Variants in CADM2 observed in about 807,000 individuals in gnomAD.
The protein encoded by CADM2 is cell adhesion molecule 2, also known as immunoglobulin superfamily member 4D.
CADM2 carries 12 observed loss-of-function variants against 49.8 expected under a neutral mutation model. The ratio of observed to expected loss-of-function variants is 0.24; its 90% CI spans 0.15 to 0.39. The LOEUF (loss-of-function observed/expected upper bound fraction) is 0.39. Among genes scored for constraint, CADM2 ranks in the 10% least tolerant of loss-of-function variants. The pLI is 1.00. For missense variants in CADM2, 378 were observed against 492.3 expected (o/e 0.77, Z 2.20); for synonymous variants, 214 against 175.4 (o/e 1.22, Z -1.74).
chr3:85,344,652 G>C (rs1339470059), intron 1 of CADM2, among the ~76,000 whole-genome samples: 1 of 150,334 alleles, frequency 6.7e-6, no homozygotes, highest in Non-Finnish European at 1.5e-5. Flanking sequence ...TTTTTTTTTT[G>C]GTAAAATGTC....
intron 3 of CADM2, among the ~76,000 whole-genome samples, chr3:85,833,530 A>AT (rs2074274560): frequency 1.3e-5 from 2 of 151,436 alleles, no homozygotes; most frequent in Admixed American, 6.6e-5. Flanking sequence ...TTTGTTCAGG[A>AT]TTTTTTTATT....
At chr3:85,665,350 AAC>A (rs1009386652) in intron 1 of CADM2, among the ~76,000 whole-genome samples, 12 of 151,892 alleles carry the variant, frequency 7.9e-5, no homozygotes, top group Admixed American at 4.6e-4. Flanking sequence ...TAATTCTGAA[AAC>A]ATTTTAAAGG....
intron 1 of CADM2, among the ~76,000 whole-genome samples, chr3:85,267,157 A>T (rs926328732): frequency 4.6e-5 from 7 of 151,502 alleles, no homozygotes; most frequent in Non-Finnish European, 8.9e-5. Context: ...TGAAGCAAAA[A>T]CTCATTTCTC....
chr3:85,882,927 A>G (rs1713028358), intron 3 of CADM2, among the ~76,000 whole-genome samples: 1 of 152,156 alleles, frequency 6.6e-6, no homozygotes, highest in Non-Finnish European at 1.5e-5. Flanking sequence ...TTATCTGTCC[A>G]TAGAAGTGAA....
At chr3:86,049,059 A>C (rs1737020049) in intron 8 of CADM2, among the ~76,000 whole-genome samples, 1 of 152,054 alleles carries the variant, frequency 6.6e-6, no homozygotes, top group South Asian at 2.1e-4. Flanking sequence ...TATTTATAAC[A>C]ACAAAAACCT....
At chr3:85,232,938 C>T (rs1473319572) in intron 1 of CADM2, among the ~76,000 whole-genome samples, 1 of 152,170 alleles carries the variant, frequency 6.6e-6, no homozygotes, top group African/African-American at 2.4e-5. Flanking sequence ...CAAAAACCTA[C>T]ATGCTAATAT....
intron 6 of CADM2, among the ~76,000 whole-genome samples, chr3:85,913,069 A>G (rs1481938513): frequency 6.6e-6 from 1 of 152,154 alleles, no homozygotes; most frequent in Non-Finnish European, 1.5e-5. Context: ...TTGTGAATCT[A>G]ATAGATCGGG....
At chr3:85,320,240 C>T (rs2107098559) in intron 1 of CADM2, among the ~76,000 whole-genome samples, 2 of 152,264 alleles carry the variant, frequency 1.3e-5, no homozygotes, top group Admixed American at 1.3e-4. Flanking sequence ...ATCATCTGGT[C>T]CCTGATGTCA....
intron 1 of CADM2, among the ~76,000 whole-genome samples, chr3:85,674,566 A>G (rs2065839372): frequency 6.6e-6 from 1 of 152,144 alleles, no homozygotes; most frequent in East Asian, 1.9e-4. Context: ...CTTCCTTACT[A>G]TGACTTTTTA....
intron 1 of CADM2, among the ~76,000 whole-genome samples, chr3:85,297,813 T>C (rs2044002681): frequency 6.6e-6 from 1 of 152,004 alleles, no homozygotes; most frequent in Admixed American, 6.6e-5. Context: ...TTTTGAACGA[T>C]TTTTCCCAAA....
At chr3:85,898,933 TTG>T (rs1324542733) in intron 5 of CADM2, among the ~76,000 whole-genome samples, 1 of 64,472 alleles carries the variant, frequency 1.6e-5, no homozygotes, top group Non-Finnish European at 2.6e-5. Context: ...AATTCATTTA[TTG>T]TGTATATATA....
At chr3:85,727,710 A>G (rs941037784) in intron 2 of CADM2, among the ~76,000 whole-genome samples, 2 of 152,170 alleles carry the variant, frequency 1.3e-5, no homozygotes, top group African/African-American at 2.4e-5. Context: ...CACCAGCTCC[A>G]GGGTACAGCA....
chr3:85,260,776 A>G (rs1385513717), intron 1 of CADM2, among the ~76,000 whole-genome samples: 2 of 152,156 alleles, frequency 1.3e-5, no homozygotes, highest in African/African-American at 4.8e-5. Flanking sequence ...ACTCTAAATT[A>G]CTTGGAAAGT....
intron 1 of CADM2, among the ~76,000 whole-genome samples, chr3:85,658,524 A>C (rs2065279516): frequency 7.1e-6 from 1 of 140,454 alleles, no homozygotes; most frequent in South Asian, 2.3e-4. Context: ...CTATCTACCT[A>C]TCTTCTATGT....
intron 1 of CADM2, among the ~76,000 whole-genome samples, chr3:85,520,945 A>G (rs1358817607): frequency 1.3e-5 from 2 of 152,066 alleles, no homozygotes; most frequent in Non-Finnish European, 2.9e-5. Context: ...GCCAGTTTCC[A>G]GTGAGAATTT....
Position 85,802,538 on chromosome 3 carries a change from G to T in CADM2, c.238+342G>T, listed in dbSNP as rs370855871. Among the ~76,000 whole-genome samples the T allele has an allele frequency of 3.3e-5, 5 of 152,014 alleles. No individual in the cohort carries two copies. The East Asian group carries it at 9.7e-4, about 29-fold the overall frequency. ...TTTCTTTCTCCTGATAATATAATAT[G>T]ATTTTTATGGAAATTAGGTTTATAT... On this transcript the variant is annotated intron_variant, in intron 3 of 9. Transcript: ENST00000383699.
At chr3:85,877,176 A>C (rs1299116986) in intron 3 of CADM2, among the ~76,000 whole-genome samples, 1 of 152,162 alleles carries the variant, frequency 6.6e-6, no homozygotes, top group Non-Finnish European at 1.5e-5. Context: ...AAAGTGGCCT[A>C]CTTAACCCAT....
chr3:85,367,213 T>C (rs918300421), intron 1 of CADM2, among the ~76,000 whole-genome samples: 9 of 152,060 alleles, frequency 5.9e-5, no homozygotes, highest in East Asian at 1.9e-4. Flanking sequence ...TCTAAACTTA[T>C]ATAAACCTAA....
chr3:85,568,470 T>TTTCTTC (rs2062364357), intron 1 of CADM2, among the ~76,000 whole-genome samples: 1 of 9,034 alleles, frequency 1.1e-4, no homozygotes, highest in African/African-American at 2.0e-4. Flanking sequence ...TTTCTCTTTC[T>TTTCTTC]CTCTCTTTCT....
Sources: gnomAD v4.1 joint callset for allele counts (sites outside exome capture counted in the v4.1 genomes callset) on GRCh38, gnomAD v4.1.1 for gene constraint, MANE v1.5 for transcripts, NCBI Gene and HGNC (gene_info 2026-07-23, HGNC 2026-07-21) for gene names.